C8orf34: variants seen among roughly 807,000 people sequenced by gnomAD.
C8orf34 encodes uncharacterized protein C8orf34.
C8orf34 carries 65 observed loss-of-function variants against 68.3 expected under a neutral mutation model. The ratio of observed to expected loss-of-function variants is 0.95; its 90% confidence interval spans 0.78 to 1.17. The LOEUF is 1.17. C8orf34 is among the 50% of genes most tolerant of loss of function. The pLI is 0.00. For synonymous variants in C8orf34, 244 were observed against 241.2 expected (o/e 1.01, Z -0.11); for missense variants, 664 against 655.4 (o/e 1.01, Z -0.14).
intron 1 of C8orf34, among the ~76,000 whole-genome samples, chr8:68,405,912 C>T (rs183662623): frequency 3.3e-5 from 5 of 152,074 alleles, no homozygotes; most frequent in Non-Finnish European, 7.4e-5. Flanking sequence ...GTGTTTTAGG[C>T]CATGAAAAAG....
At chr8:68,485,163 T>C (rs935074817) in intron 4 of C8orf34, among the ~76,000 whole-genome samples, 3 of 152,156 alleles carry the variant, frequency 2.0e-5, no homozygotes, top group East Asian at 1.9e-4. Context: ...TTTGCTAAAA[T>C]TGAGAGGAGG....
chr8:68,467,093 A>C (rs1812180463), intron 3 of C8orf34, among the ~76,000 whole-genome samples: 1 of 151,920 alleles, frequency 6.6e-6, no homozygotes, highest in African/African-American at 2.4e-5. Context: ...ACAATCAAAC[A>C]TAAGGTTCTC....
chr8:68,631,143 C>T (rs779553882), intron 7 of C8orf34, among the ~76,000 whole-genome samples: 3 of 151,614 alleles, frequency 2.0e-5, no homozygotes, highest in Non-Finnish European at 4.4e-5. Flanking sequence ...TGGCATGCAC[C>T]TGCAGCTACT....
intron 6 of C8orf34, among the ~76,000 whole-genome samples, chr8:68,528,915 C>G (rs1430633899): frequency 2.0e-5 from 3 of 152,200 alleles, no homozygotes; most frequent in Non-Finnish European, 2.9e-5. Flanking sequence ...CTCAGGTTTT[C>G]TGCTCTTCCC....
intron 12 of C8orf34, among the ~76,000 whole-genome samples, chr8:68,802,793 C>T (rs976782393): frequency 5.9e-5 from 9 of 152,136 alleles, no homozygotes; most frequent in African/African-American, 2.2e-4. Context: ...CAGGCATGCA[C>T]CACCGTGTCC....
chr8:68,438,531 T>G (rs1380808672), intron 1 of C8orf34: 3 of 152,156 alleles, frequency 2.0e-5, no homozygotes, highest in Non-Finnish European at 2.9e-5. Flanking sequence ...ATCTGATTTT[T>G]TGAGCACTAG....
At chr8:68,725,570 C>T (rs919073251) in intron 10 of C8orf34, among the ~76,000 whole-genome samples, 1 of 152,176 alleles carries the variant, frequency 6.6e-6, no homozygotes, top group African/African-American at 2.4e-5. Context: ...AAGTGCTTCA[C>T]ATATTTTATA....
At chr8:68,630,058 G>A (rs117084133) in intron 7 of C8orf34, among the ~76,000 whole-genome samples, 7,602 of 151,888 alleles carry the variant, frequency 0.05, 202 homozygotes, top group Middle Eastern at 0.12. Context: ...TATTTATTTA[G>A]TATAAAGCAA....
At chr8:68,645,211 T>A (rs942451340) in intron 8 of C8orf34, among the ~76,000 whole-genome samples, 1 of 152,144 alleles carries the variant, frequency 6.6e-6, no homozygotes, top group African/African-American at 2.4e-5. Context: ...GCTGGGTTTT[T>A]AGCTGTGAAA....
intron 3 of C8orf34, among the ~76,000 whole-genome samples, chr8:68,464,239 C>T (rs963740370): frequency 3.3e-5 from 5 of 152,162 alleles, no homozygotes; most frequent in Admixed American, 1.3e-4. Flanking sequence ...ATCCAACTTA[C>T]AAGGGATGTG....
intron 1 of C8orf34, among the ~76,000 whole-genome samples, chr8:68,346,186 A>C (rs527602240): frequency 6.6e-6 from 1 of 152,086 alleles, no homozygotes; most frequent in Non-Finnish European, 1.5e-5. Context: ...TATATTTTAC[A>C]TACTAATTTC....
At chr8:68,409,749 C>T (rs576224999) in intron 1 of C8orf34, among the ~76,000 whole-genome samples, 1 of 152,318 alleles carries the variant, frequency 6.6e-6, no homozygotes, top group Admixed American at 6.5e-5. Context: ...ACTCGCCACT[C>T]ACTCACTGAC....
chr8:68,523,848 T>G, intron 6 of C8orf34, among the ~76,000 whole-genome samples: 1 of 152,298 alleles, frequency 6.6e-6, no homozygotes, highest in African/African-American at 2.4e-5. Flanking sequence ...TGTACTATAC[T>G]TTAATGACCA....
chr8:68,352,619 C>A (rs139124061), intron 1 of C8orf34, among the ~76,000 whole-genome samples: 1 of 152,134 alleles, frequency 6.6e-6, no homozygotes, highest in African/African-American at 2.4e-5. Flanking sequence ...TCTCAGGGAC[C>A]CTTCCTACAA....
intron 7 of C8orf34, among the ~76,000 whole-genome samples, chr8:68,621,350 C>T (rs1294568358): frequency 6.6e-6 from 1 of 152,142 alleles, no homozygotes; most frequent in African/African-American, 2.4e-5. Flanking sequence ...GACTCACAAA[C>T]TGGATCATAT....
intron 1 of C8orf34, among the ~76,000 whole-genome samples, chr8:68,384,444 C>T (rs936536229): frequency 2.6e-5 from 4 of 152,140 alleles, no homozygotes; most frequent in African/African-American, 7.2e-5. Context: ...TCTGGGTCTG[C>T]GCTTTTGTTG....
chr8:68,806,824 A>C (rs557900831), intron 12 of C8orf34, among the ~76,000 whole-genome samples: 10 of 152,322 alleles, frequency 6.6e-5, no homozygotes, highest in African/African-American at 2.2e-4. Context: ...TAGTGGTCTA[A>C]AACAATACTC....
At chr8:68,673,108 A>G (rs1181663373) in intron 8 of C8orf34, among the ~76,000 whole-genome samples, 1 of 152,082 alleles carries the variant, frequency 6.6e-6, no homozygotes, top group Non-Finnish European at 1.5e-5. Context: ...TGGGCCCTGC[A>G]TAACCAGCAG....
In C8orf34 at chr8:68,785,082, C is replaced by T. The variant is rs576286074; in HGVS notation, c.1456-2361C>T. Among the ~76,000 whole-genome samples, 7 of 152,046 alleles carry T rather than the reference C, an allele frequency of 4.6e-5. No individual in the cohort carries two copies. In the East Asian group the frequency reaches 1.2e-3, roughly 25 times the overall value. Reference sequence around the variant, plus strand: ...AATATGGGCCAGGCATGGTTGCTCACACCTGTAATCTCAGCTACTTGGGAG... The same window carrying T: ...AATATGGGCCAGGCATGGTTGCTCATACCTGTAATCTCAGCTACTTGGGAG... On this transcript the variant is annotated intron_variant, in intron 11 of 13. Coordinates refer to ENST00000518698, the MANE Select transcript of C8orf34 (RefSeq NM_052958.4).
Sources: allele counts gnomAD v4.1 joint callset (sites outside exome capture counted in the v4.1 genomes callset), GRCh38; gene constraint gnomAD v4.1.1; transcripts MANE v1.5; gene names NCBI Gene and HGNC (gene_info 2026-07-23, HGNC 2026-07-21).